The following KCNAB3 variants were observed in gnomAD, a reference collection of about 807,000 sequenced individuals.
KCNAB3 encodes voltage-gated potassium channel subunit beta-3.
Under a neutral mutation model 67.7 loss-of-function variants are expected in KCNAB3, and 62 were observed. The observed-to-expected ratio is 0.92, with a 90% CI of 0.75 to 1.13. The LOEUF (loss-of-function observed/expected upper bound fraction) is 1.13. KCNAB3 is among the 50% of genes most tolerant of loss of function. The pLI is 0.00. For synonymous variants in KCNAB3, 212 were observed against 205.4 expected (o/e 1.03, Z -0.27); for missense variants, 514 against 522.9 (o/e 0.98, Z 0.17).
intron 9 of KCNAB3, 67 bp from the exon 10 acceptor site, chr17:7,924,332 C>T: frequency 6.2e-7 from 1 of 1,610,758 alleles, no homozygotes; most frequent in Non-Finnish European, 8.5e-7. Context: ...TGCCTTCTCC[C>T]CCAGTGCAGT....
chr17:7,928,041 T>C, intron 1 of KCNAB3: 1 of 611,578 alleles, frequency 1.6e-6, no homozygotes. Flanking sequence ...ATGTGACTGT[T>C]CCTCTGGAGC....
At chr17:7,928,235 A>C in intron 1 of KCNAB3, 1 of 261,254 alleles carries the variant, frequency 3.8e-6, no homozygotes, top group Non-Finnish European at 7.4e-6. Context: ...GCTGTGCCAA[A>C]TGGTAGATGG....
intron 7 of KCNAB3, 170 bp from the exon 8 acceptor site, chr17:7,925,353 C>A: frequency 1.7e-6 from 1 of 590,416 alleles, no homozygotes; most frequent in Non-Finnish European, 3.0e-6. Context: ...CGTGGTGAAA[C>A]CCCATTTCTA....
chr17:7,926,988 G>T (rs1317263734), intron 4 of KCNAB3: 3 of 280,082 alleles, frequency 1.1e-5, no homozygotes, highest in Admixed American at 4.5e-5. Context: ...ATGAGCAGAA[G>T]TGTTTGCTAG....
rs1477829563 is a variant in KCNAB3 at position 7,923,095 on chromosome 17, C to G, written c.*7G>C. 4 of 1,613,972 alleles carry G rather than the reference C, an allele frequency of 2.5e-6. No individual in the cohort carries two copies. The highest frequency in any genetic ancestry group is 4.5e-5 in the East Asian group (2 of 44,876). The stretch of plus-strand genomic sequence containing the variant: ...ACACCGGGTTGGGTCCCTGCGCCCG[C>G]GACAGACTACTTCTTGGAATGCGGC... On this transcript the variant is annotated 3_prime_UTR_variant, in exon 14 of 14. Coordinates refer to ENST00000303790, the MANE Select transcript of KCNAB3 (RefSeq NM_004732.4).
intron 13 of KCNAB3, 77 bp from the exon 14 acceptor site, chr17:7,923,256 G>C: frequency 6.9e-7 from 1 of 1,459,686 alleles, no homozygotes; most frequent in South Asian, 1.1e-5. Flanking sequence ...CAGTAGCCGG[G>C]GAAGCACCAC....
chr17:7,923,004 C>T lies in KCNAB3; in HGVS notation c.*98G>A, dbSNP rs1417224737. The T allele has an allele frequency of 5.9e-5, 69 of 1,171,364 alleles. No individual in the cohort carries two copies. In the East Asian group the frequency reaches 1.3e-3, roughly 23 times the overall value. 72.6% of individuals were successfully genotyped at this position (1,171,364 alleles called of 1,614,324 possible). A position where few individuals can be genotyped will look rare whatever the true frequency, so the allele number is the denominator to read the frequency against. On this transcript the variant is annotated 3_prime_UTR_variant, in exon 14 of 14. Transcript: ENST00000303790. ...TGGGCGGGGCTAGTCTGGCTCCGGCCGCTGCGTGGAGGGATCCGGAGCGGG... is the reference window on the plus strand; with the variant it reads ...TGGGCGGGGCTAGTCTGGCTCCGGCTGCTGCGTGGAGGGATCCGGAGCGGG...
At position 7,924,232 on chromosome 17, in the gene KCNAB3, T is replaced by C. The variant is rs763573059; in HGVS notation, c.745A>G (p.Ile249Val). Residue 249 changes from isoleucine (I) to valine (V), a missense_variant, in exon 10 of 14, where the codon ATT (isoleucine) becomes GTT (valine). Physicochemically the swap from Ile to Val is conservative, Grantham distance 29. Coordinates refer to ENST00000303790, the MANE Select transcript of KCNAB3 (RefSeq NM_004732.4). ...AYSMARQFNL[I>V]PPVCEQAEHH... ...TCCGCTTGTTCACACACTGGAGGAA[T>C]CAGATTGAACTGTCTGGCCATGGAG... 3.1e-6 allele frequency: 5 copies of C among 1,614,062 alleles called. No individual in the cohort carries two copies. In the East Asian group the frequency reaches 8.9e-5, roughly 29 times the overall value.
intron 1 of KCNAB3, 37 bp from the exon 2 acceptor site, chr17:7,927,863 T>C (rs747611182): frequency 1.2e-6 from 2 of 1,612,732 alleles, no homozygotes; most frequent in Middle Eastern, 1.8e-4. Flanking sequence ...GGGTGGAGCC[T>C]CCATTATGGA....
At position 7,927,379 on chromosome 17, in the gene KCNAB3, G is replaced by A; in HGVS notation, c.369C>T (p.Asn123=). The change falls in exon 4 of 14, where the codon AAC becomes AAT. Residue 123 remains asparagine (N), a synonymous_variant. Coordinates refer to ENST00000303790, the MANE Select transcript of KCNAB3 (RefSeq NM_004732.4). ...VLTVAYEHGV[N]LFDTAEVYAA... is the part of the protein sequence containing the mutation. The stretch of plus-strand genomic sequence containing the variant: ...CGTACACTTCGGCGGTGTCAAACAG[G>A]TTTACACCATGCTCATAGGCTACAG... 6.2e-7 allele frequency: 1 copy of A among 1,613,908 alleles called. No homozygotes were observed. The highest frequency in any genetic ancestry group is 8.5e-7 in the Non-Finnish European group (1 of 1,180,006).
intron 8 of KCNAB3, 23 bp from the exon 9 acceptor site, chr17:7,924,523 G>A: frequency 6.3e-7 from 1 of 1,598,336 alleles, no homozygotes; most frequent in Non-Finnish European, 8.5e-7. Context: ...GAGAGGGAAA[G>A]CCTTACTGTC....
rs1478461742 is a variant in KCNAB3 at position 7,924,396 on chromosome 17, G to A, written c.711+19C>T. ...GGAACCAGTTGTGGGACAGGGGCAA[G>A]GTGGGGTCACACACTCACCATGATT... is the stretch of plus-strand genomic sequence containing the variant. On this transcript the variant is annotated intron_variant, in intron 9 of 13. Transcript: ENST00000303790. 6.2e-7 allele frequency: 1 copy of A among 1,612,222 alleles called. No individual in the cohort carries two copies. Among genetic ancestry groups the A allele is most frequent in the Non-Finnish European group, 8.5e-7 (1 of 1,178,714 alleles).
Position 7,929,819 on chromosome 17 carries a change from C to CAATT in KCNAB3, c.-385_-384insAATT. ...CTTCAGCGCGAACCGCTGCGGGACC[C>CAATT]GCTGGGCTCCCAGCCGCGTCGGCAG... On this transcript the variant is annotated 5_prime_UTR_variant, in exon 1 of 14. Transcript: ENST00000303790. This position sits in a 1 kb window ranked among gnomAD's most constrained non-coding sequence, Gnocchi z 5.7. The CAATT allele has an allele frequency of 1.2e-5, 12 of 1,011,704 alleles. No individual in the cohort carries two copies. The highest frequency in any genetic ancestry group is 4.0e-5 in the South Asian group (1 of 25,058). 62.7% of individuals were successfully genotyped at this position (1,011,704 alleles called of 1,614,324 possible).
chr17:7,929,217 G>T lies in KCNAB3; in HGVS notation c.219C>A (p.Gly73=), dbSNP rs750521303. Reference sequence around the variant, plus strand: ...ACCTGTATTTCATGCCAGTGCCTCGGCCGGTGCTCTCTCGGAGGGCCCCAG... The same window carrying T: ...ACCTGTATTTCATGCCAGTGCCTCGTCCGGTGCTCTCTCGGAGGGCCCCAG... ...APAGALREST[G]RGTGMKYRNL... The change falls in exon 1 of 14, where the codon GGC becomes GGA. Residue 73 remains glycine (G), a synonymous_variant. Transcript: ENST00000303790. The surrounding 1 kb of genome is among the most constrained non-coding windows in gnomAD (Gnocchi z 5.7). The T allele has an allele frequency of 8.7e-6, 14 of 1,611,780 alleles. No homozygotes were observed. The Admixed American group carries it at 2.2e-4, about 25-fold the overall frequency.
chr17:7,929,789 T>G lies in KCNAB3; in HGVS notation c.-354A>C, dbSNP rs2151720757. ...AGGGGGAAGCGGGGCGGGAGAGAGA[T>G]GCCACTTCAGCGCGAACCGCTGCGG... On this transcript the variant is annotated 5_prime_UTR_variant, in exon 1 of 14. Coordinates refer to ENST00000303790, the MANE Select transcript of KCNAB3 (RefSeq NM_004732.4). This position sits in a 1 kb window ranked among gnomAD's most constrained non-coding sequence, Gnocchi z 5.7. 4 of 1,130,642 alleles carry G rather than the reference T, an allele frequency of 3.5e-6. No homozygotes were observed. The highest frequency in any genetic ancestry group is 4.8e-5 in the Admixed American group (1 of 20,870). The allele number at this position is 1,130,642 out of a possible 1,614,324, so 70.0% of individuals were successfully genotyped here.
At chr17:7,923,309 G>C in intron 13 of KCNAB3, 130 bp from the exon 14 acceptor site, 1 of 1,245,448 alleles carries the variant, frequency 8.0e-7, no homozygotes. Flanking sequence ...CTGTGCCGGT[G>C]CCTCGCTTTC....
chr17:7,922,970 ACTCG>A lies in KCNAB3; in HGVS notation c.*128_*131del. ...ATGCGTATCACTACTCGAAGCCGGG[ACTCG>A]TTGGTGGGCGGGGCTAGTCTGGCTC... is the stretch of plus-strand genomic sequence containing the variant. On this transcript the variant is annotated 3_prime_UTR_variant, in exon 14 of 14. Coordinates refer to ENST00000303790, the MANE Select transcript of KCNAB3 (RefSeq NM_004732.4). 1.3e-6 allele frequency: 1 copy of A among 792,698 alleles called. No individual in the cohort carries two copies. Among genetic ancestry groups the A allele is most frequent in the Non-Finnish European group, 2.2e-6 (1 of 456,636 alleles). The allele number at this position is 792,698 out of a possible 1,614,324, so 49.1% of individuals were successfully genotyped here.
intron 9 of KCNAB3, 61 bp downstream of exon 9, chr17:7,924,354 T>C (rs2151715042): frequency 1.2e-6 from 2 of 1,607,946 alleles, no homozygotes; most frequent in East Asian, 4.5e-5. Context: ...GGCTTTGGAG[T>C]AACCACGTGA....
chr17:7,924,574 C>A, intron 8 of KCNAB3, 74 bp from the exon 9 acceptor site: 1 of 1,508,332 alleles, frequency 6.6e-7, no homozygotes, highest in Non-Finnish European at 8.9e-7. Flanking sequence ...CAGACCTCCA[C>A]CTGCCCCACC....
Sources: allele counts gnomAD v4.1 joint callset, GRCh38; gene constraint gnomAD v4.1.1; non-coding constraint Gnocchi (gnomAD v3.1); transcripts MANE v1.5; gene names NCBI Gene and HGNC (gene_info 2026-07-23, HGNC 2026-07-21).